The following LARGE1 variants were observed in gnomAD, a reference collection of about 807,000 sequenced individuals.
LARGE1 encodes the protein xylosyl- and glucuronyltransferase LARGE1.
LARGE1 carries 43 observed loss-of-function variants against 87.6 expected under a neutral mutation model. The observed-to-expected ratio is 0.49, with a 90% CI of 0.38 to 0.63. The LOEUF (loss-of-function observed/expected upper bound fraction) is 0.63, where lower values mean the gene tolerates loss of function less well. Ranked by LOEUF, LARGE1 falls within the 30% of genes least tolerant of loss-of-function variation. The pLI is 0.00. For missense variants in LARGE1, 802 were observed against 1,000.2 expected (o/e 0.80, Z 2.67); for synonymous variants, 434 against 394.6 (o/e 1.10, Z -1.18).
intron 6 of LARGE1, among the ~76,000 whole-genome samples, chr22:33,448,848 G>C (rs1378077902): frequency 6.6e-6 from 1 of 152,166 alleles, no homozygotes; most frequent in Non-Finnish European, 1.5e-5. Context: ...CGACCATCAA[G>C]ATACAGAACT....
At chr22:33,507,908 C>T (rs1438030402) in intron 6 of LARGE1, among the ~76,000 whole-genome samples, 2 of 152,144 alleles carry the variant, frequency 1.3e-5, no homozygotes, top group African/African-American at 4.8e-5. Context: ...CATCTTTTAA[C>T]AGCAATCACC....
At chr22:33,761,906 G>T (rs562578353) in intron 1 of LARGE1, among the ~76,000 whole-genome samples, 2 of 152,188 alleles carry the variant, frequency 1.3e-5, no homozygotes, top group Non-Finnish European at 2.9e-5. Flanking sequence ...TATGAACCAC[G>T]TGCTGTGTTT....
At position 33,422,615 on chromosome 22, in the gene LARGE1, T is replaced by C. The variant is rs113429086; in HGVS notation, c.892+9546A>G. 8.6e-4 allele frequency among the ~76,000 whole-genome samples: 131 copies of C among 152,000 alleles called. 1 individual carries two copies. The highest frequency in any genetic ancestry group is 2.9e-3 in the African/African-American group (122 of 41,470). On this transcript the variant is annotated intron_variant, in intron 7 of 14. Transcript: ENST00000397394. ...ACCTCCAACTCCTTGGTTTAAGAGATTGTACTGCCTCCACCTTCCGAGTGG... is the reference window on the plus strand; with the variant it reads ...ACCTCCAACTCCTTGGTTTAAGAGACTGTACTGCCTCCACCTTCCGAGTGG...
intron 1 of LARGE1, among the ~76,000 whole-genome samples, chr22:33,917,976 T>C (rs2065835457): frequency 6.6e-6 from 1 of 151,614 alleles, no homozygotes; most frequent in Non-Finnish European, 1.5e-5. Flanking sequence ...AGATAACTAG[T>C]CCCCCCTAGT....
intron 2 of LARGE1, among the ~76,000 whole-genome samples, chr22:33,705,640 A>G (rs1049295265): frequency 6.6e-6 from 1 of 152,248 alleles, no homozygotes; most frequent in Non-Finnish European, 1.5e-5. Flanking sequence ...GAAGAATTTA[A>G]GTCCCTAGAA....
At chr22:33,613,160 A>G (rs548591393) in intron 4 of LARGE1, among the ~76,000 whole-genome samples, 3 of 152,332 alleles carry the variant, frequency 2.0e-5, no homozygotes, top group African/African-American at 7.2e-5. Flanking sequence ...TCAGCAATCA[A>G]AGGCGGGCTA....
chr22:33,748,619 G>T (rs1008666361), intron 2 of LARGE1, among the ~76,000 whole-genome samples: 1 of 152,146 alleles, frequency 6.6e-6, no homozygotes, highest in Non-Finnish European at 1.5e-5. Flanking sequence ...ACTCAATGTG[G>T]ACACACAGCA....
chr22:33,169,965 G>C (rs942175605), intron 11 of LARGE1, among the ~76,000 whole-genome samples: 1 of 152,166 alleles, frequency 6.6e-6, no homozygotes, highest in Non-Finnish European at 1.5e-5. Context: ...TAAGGAACTT[G>C]CTATGGTCCA....
At chr22:33,381,019 G>C (rs1569111275) in intron 9 of LARGE1, among the ~76,000 whole-genome samples, 2 of 152,144 alleles carry the variant, frequency 1.3e-5, no homozygotes, top group South Asian at 4.1e-4. Flanking sequence ...TGGCCAATGA[G>C]GGATATTAGC....
At chr22:33,748,131 G>GTT (rs1470881901) in intron 2 of LARGE1, among the ~76,000 whole-genome samples, 3 of 130,352 alleles carry the variant, frequency 2.3e-5, no homozygotes, top group South Asian at 2.2e-4. Flanking sequence ...ATCAATGCAG[G>GTT]TTTGTTTTTT....
chr22:33,465,976 T>A (rs1175702463), intron 6 of LARGE1, among the ~76,000 whole-genome samples: 1 of 152,170 alleles, frequency 6.6e-6, no homozygotes, highest in Non-Finnish European at 1.5e-5. Context: ...TCTTCTCCCA[T>A]CCAGTTCCCT....
chr22:33,662,076 C>CAAAAAAAAAA, intron 2 of LARGE1, among the ~76,000 whole-genome samples: 1 of 54,898 alleles, frequency 1.8e-5, no homozygotes, highest in Non-Finnish European at 3.3e-5. Flanking sequence ...GCTTAGGAGC[C>CAAAAAAAAAA]AAAAAAAAAA....
At chr22:33,348,623 A>T (rs1466872798) in intron 9 of LARGE1, among the ~76,000 whole-genome samples, 2 of 152,136 alleles carry the variant, frequency 1.3e-5, no homozygotes, top group African/African-American at 4.8e-5. Context: ...GGACTCAGCA[A>T]AGCAAATGGC....
At chr22:33,621,791 A>C (rs2079763009) in intron 4 of LARGE1, among the ~76,000 whole-genome samples, 2 of 152,160 alleles carry the variant, frequency 1.3e-5, no homozygotes. Context: ...GATGACAGGA[A>C]CTTCTGTGGT....
intron 5 of LARGE1, among the ~76,000 whole-genome samples, chr22:33,594,589 C>T (rs1175740810): frequency 6.6e-6 from 1 of 152,144 alleles, no homozygotes; most frequent in African/African-American, 2.4e-5. Flanking sequence ...TATAACCACA[C>T]TCTTGAATCA....
At chr22:33,193,191 A>G (rs1923879771) in intron 11 of LARGE1, among the ~76,000 whole-genome samples, 1 of 152,164 alleles carries the variant, frequency 6.6e-6, no homozygotes, top group Admixed American at 6.5e-5. Flanking sequence ...AAAGGAATGA[A>G]AAAAGTATAG....
At chr22:33,120,071 A>G in the LARGE1 span, among the ~76,000 whole-genome samples, 1 of 152,162 alleles carries the variant, frequency 6.6e-6, no homozygotes, top group Non-Finnish European at 1.5e-5. Flanking sequence ...CCAGGAACCC[A>G]TATTTGAAAT....
chr22:33,768,366 T>C (rs2084967514), intron 1 of LARGE1, among the ~76,000 whole-genome samples: 1 of 152,016 alleles, frequency 6.6e-6, no homozygotes, highest in South Asian at 2.1e-4. Context: ...TTATTATCAT[T>C]ATTTATATTA....
chr22:33,486,374 T>G (rs1486237505), intron 6 of LARGE1, among the ~76,000 whole-genome samples: 4 of 152,212 alleles, frequency 2.6e-5, no homozygotes, highest in African/African-American at 9.7e-5. Flanking sequence ...GGTGCAGGAC[T>G]TGACAGTTTA....
Sources: allele counts gnomAD v4.1 joint callset (sites outside exome capture counted in the v4.1 genomes callset), GRCh38; gene constraint gnomAD v4.1.1; transcripts MANE v1.5; gene names NCBI Gene and HGNC (gene_info 2026-07-23, HGNC 2026-07-21).